CHST11: variants seen among roughly 807,000 people sequenced by gnomAD.
CHST11 encodes carbohydrate sulfotransferase 11.
CHST11 carries 9 observed loss-of-function variants against 30.4 expected under a neutral mutation model. The observed-to-expected ratio is 0.30, with a 90% CI of 0.18 to 0.52. The LOEUF is 0.52. Ranked by LOEUF, CHST11 falls within the 20% of genes least tolerant of loss-of-function variation. The pLI, the probability that CHST11 is intolerant of heterozygous loss-of-function variation, is 0.97. For missense variants in CHST11, 348 were observed against 460.6 expected, an observed-to-expected ratio of 0.76 and a Z score of 2.24; for synonymous variants, 152 against 187.8, an observed-to-expected ratio of 0.81 and a Z score of 1.56.
Position 104,562,959 on chromosome 12 carries a change from C to T in CHST11, c.119-38947C>T, listed in dbSNP as rs116104788. Among the ~76,000 whole-genome samples the T allele has an allele frequency of 5.4e-3, 824 of 152,248 alleles. 3 individuals carry two copies. Among genetic ancestry groups the T allele is most frequent in the African/African-American group, 0.018 (747 of 41,552 alleles). ...CTTACCATTTTGGTGCCTCAGTTTC[C>T]CCATCTGTGAAATGGGTATGGTAGT... On this transcript the variant is annotated intron_variant, in intron 1 of 2. Coordinates refer to ENST00000303694, the MANE Select transcript of CHST11 (RefSeq NM_018413.6).
intron 2 of CHST11, among the ~76,000 whole-genome samples, chr12:104,690,038 A>G (rs976487015): frequency 1.3e-5 from 2 of 152,184 alleles, no homozygotes; most frequent in African/African-American, 4.8e-5. Flanking sequence ...TCTAATATCA[A>G]TTGTCTCCCC....
chr12:104,485,799 C>G (rs147678923), intron 1 of CHST11, among the ~76,000 whole-genome samples: 1 of 152,204 alleles, frequency 6.6e-6, no homozygotes, highest in African/African-American at 2.4e-5. Context: ...CAAATGGAAA[C>G]GGTGGAAACT....
intron 2 of CHST11, among the ~76,000 whole-genome samples, chr12:104,670,501 ACT>A (rs75088833): frequency 6.6e-6 from 1 of 150,852 alleles, no homozygotes; most frequent in African/African-American, 2.4e-5. Context: ...ACTCATACAC[ACT>A]CACACAAACA....
intron 2 of CHST11, among the ~76,000 whole-genome samples, chr12:104,666,619 A>G (rs1009536345): frequency 5.3e-5 from 8 of 152,344 alleles, no homozygotes; most frequent in African/African-American, 1.7e-4. Flanking sequence ...ATTGGTATTC[A>G]AATTCAGTAT....
chr12:104,711,066 T>C (rs775148814), intron 2 of CHST11, among the ~76,000 whole-genome samples: 1 of 152,186 alleles, frequency 6.6e-6, no homozygotes, highest in Non-Finnish European at 1.5e-5. Context: ...GTTGCAATTA[T>C]CAAATATTTG....
intron 2 of CHST11, among the ~76,000 whole-genome samples, chr12:104,742,214 G>A (rs187970915): frequency 5.3e-5 from 8 of 152,286 alleles, no homozygotes; most frequent in Non-Finnish European, 1.0e-4. Flanking sequence ...CAAAATAGAA[G>A]TAGAATATTC....
intron 1 of CHST11, among the ~76,000 whole-genome samples, chr12:104,494,432 CAG>C (rs2037779742): frequency 6.6e-6 from 1 of 152,230 alleles, no homozygotes; most frequent in Admixed American, 6.5e-5. Flanking sequence ...AAATGAAAAA[CAG>C]GGTCTCCACT....
At chr12:104,546,908 G>C (rs1043692507) in intron 1 of CHST11, among the ~76,000 whole-genome samples, 1 of 152,234 alleles carries the variant, frequency 6.6e-6, no homozygotes, top group Non-Finnish European at 1.5e-5. Context: ...TTTTAGAACA[G>C]TGTCCTCCAA....
At chr12:104,506,414 A>G (rs57525859) in intron 1 of CHST11, among the ~76,000 whole-genome samples, 64,120 of 152,074 alleles carry the variant, frequency 0.42, 14,198 homozygotes, top group African/African-American at 0.49. Context: ...GAAGTGAGGC[A>G]GAGGTGAGAT....
chr12:104,757,566 C>T lies in CHST11; in HGVS notation c.822C>T (p.Asp274=), dbSNP rs761468974. The change falls in exon 3 of 3, where the codon GAC becomes GAT. Residue 274 remains aspartate (D), a synonymous_variant. Coordinates refer to ENST00000303694, the MANE Select transcript of CHST11 (RefSeq NM_018413.6). The surrounding 1 kb of genome is among the most constrained non-coding windows in gnomAD (Gnocchi z 6.5). ...SLCHPCHIHY[D]LVGKYETLEE... ...GCCATCCCTGCCACATCCACTATGA[C>T]CTCGTGGGCAAGTACGAGACACTGG... 6.2e-7 allele frequency: 1 copy of T among 1,614,068 alleles called. No homozygotes were observed. Among genetic ancestry groups the T allele is most frequent in the African/African-American group, 1.3e-5 (1 of 74,916 alleles).
chr12:104,607,184 G>A (rs1012053268), intron 2 of CHST11, among the ~76,000 whole-genome samples: 1 of 152,218 alleles, frequency 6.6e-6, no homozygotes, highest in Non-Finnish European at 1.5e-5. Context: ...AGCTGTCAGA[G>A]AAGGAGTCAC....
At chr12:104,531,482 AGAG>A (rs2038184025) in intron 1 of CHST11, among the ~76,000 whole-genome samples, 2 of 137,220 alleles carry the variant, frequency 1.5e-5, no homozygotes, top group African/African-American at 2.7e-5. Flanking sequence ...AAAAAAAAAG[AGAG>A]AGAGAGAGAG....
At chr12:104,475,047 C>T (rs2037544405) in intron 1 of CHST11, among the ~76,000 whole-genome samples, 1 of 152,134 alleles carries the variant, frequency 6.6e-6, no homozygotes, top group Non-Finnish European at 1.5e-5. Flanking sequence ...ACTATTTAGA[C>T]TATTTCTAAG....
chr12:104,482,817 C>T (rs1353857074), intron 1 of CHST11, among the ~76,000 whole-genome samples: 2 of 152,056 alleles, frequency 1.3e-5, no homozygotes, highest in Non-Finnish European at 2.9e-5. Context: ...TCTGTGCATC[C>T]CCCCACTTAA....
rs559261114 is a variant in CHST11 at position 104,711,147 on chromosome 12, C to T, written c.205-45802C>T. Among the ~76,000 whole-genome samples, 3 of 152,166 alleles carry T rather than the reference C, an allele frequency of 2.0e-5. No homozygotes were observed. The South Asian group carries it at 6.2e-4, about 32-fold the overall frequency. On this transcript the variant is annotated intron_variant, in intron 2 of 2. Transcript: ENST00000303694. ...GTGTCATACTCAGTAAAACTGTATT[C>T]ATGCCAAGATGGGCTTGTACACAGA...
intron 2 of CHST11, among the ~76,000 whole-genome samples, chr12:104,684,534 ATGGTT>A (rs201560164): frequency 1.3e-5 from 2 of 152,080 alleles, no homozygotes; most frequent in Non-Finnish European, 2.9e-5. Context: ...TTTGTTTGAT[ATGGTT>A]TGGTTTGGTT....
chr12:104,617,148 G>C (rs17035985), intron 2 of CHST11, among the ~76,000 whole-genome samples: 41 of 152,198 alleles, frequency 2.7e-4, no homozygotes, highest in African/African-American at 9.2e-4. Context: ...GGCATTGAAC[G>C]GGTGCCTTTA....
At chr12:104,571,568 G>A (rs150856081) in intron 1 of CHST11, among the ~76,000 whole-genome samples, 1 of 152,320 alleles carries the variant, frequency 6.6e-6, no homozygotes, top group Non-Finnish European at 1.5e-5. Flanking sequence ...TGGACACTTT[G>A]ATCAGAGAGG....
At chr12:104,473,976 A>G (rs2037534975) in intron 1 of CHST11, among the ~76,000 whole-genome samples, 1 of 152,114 alleles carries the variant, frequency 6.6e-6, no homozygotes, top group African/African-American at 2.4e-5. Flanking sequence ...GAACTCTTCC[A>G]AAGGCTTAAT....
Sources: gnomAD v4.1 joint callset for allele counts (sites outside exome capture counted in the v4.1 genomes callset) on GRCh38, gnomAD v4.1.1 for gene constraint, Gnocchi (gnomAD v3.1) non-coding constraint, MANE v1.5 for transcripts, NCBI Gene and HGNC (gene_info 2026-07-23, HGNC 2026-07-21) for gene names.